OSMR: variants seen among roughly 807,000 people sequenced by gnomAD.
The protein encoded by OSMR is oncostatin-M-specific receptor subunit beta.
A neutral mutation model predicts 99.9 loss-of-function variants in OSMR; 81 were observed. That is an observed-to-expected ratio of 0.81 (90% confidence interval 0.68 to 0.97). The LOEUF (loss-of-function observed/expected upper bound fraction) is 0.97, where lower values mean the gene tolerates loss of function less well. OSMR is among the 50% of genes least tolerant of loss of function. OSMR has a pLI of 0.00. For missense variants in OSMR, 1,099 were observed against 1,153.4 expected, an observed-to-expected ratio of 0.95 and a Z score of 0.68; for synonymous variants, 406 against 410.4, an observed-to-expected ratio of 0.99 and a Z score of 0.13.
chr5:38,887,021 A>G (rs1185216247), intron 7 of OSMR, among the ~76,000 whole-genome samples: 1 of 152,202 alleles, frequency 6.6e-6, no homozygotes, highest in Non-Finnish European at 1.5e-5. Context: ...TGGCTATAAA[A>G]TGGTATTTCA....
chr5:38,850,717 A>C (rs1740288160), intron 1 of OSMR, among the ~76,000 whole-genome samples: 1 of 152,242 alleles, frequency 6.6e-6, no homozygotes, highest in African/African-American at 2.4e-5. Context: ...GTTCATGTGT[A>C]ATGCCAGCTT....
chr5:38,869,203 C>A, intron 2 of OSMR, 86 bp downstream of exon 2: 1 of 1,009,356 alleles, frequency 9.9e-7, no homozygotes, highest in Non-Finnish European at 1.6e-6. Flanking sequence ...TTAAACAGTT[C>A]TTTTTTCTTT....
chr5:38,942,741 T>C (rs2112783317), intron 1 of OSMR: 2 of 1,043,354 alleles, frequency 1.9e-6, no homozygotes, highest in Non-Finnish European at 2.9e-6. Flanking sequence ...TAGGCATGAG[T>C]CACCACACCC....
intron 1 of OSMR, chr5:38,941,582 T>C: frequency 4.3e-6 from 1 of 231,550 alleles, no homozygotes; most frequent in Non-Finnish European, 8.6e-6. Context: ...TTAAATTTTA[T>C]TCAAGAACTG....
At chr5:38,884,438 A>G (rs1423357659) in intron 5 of OSMR, among the ~76,000 whole-genome samples, 3 of 152,190 alleles carry the variant, frequency 2.0e-5, no homozygotes, top group South Asian at 2.1e-4. Flanking sequence ...GAGGGAGGGT[A>G]GGAGCTACAG....
chr5:38,899,949 T>G (rs1462654603), intron 7 of OSMR, among the ~76,000 whole-genome samples: 1 of 152,174 alleles, frequency 6.6e-6, no homozygotes, highest in Non-Finnish European at 1.5e-5. Flanking sequence ...CCCCAAAGTC[T>G]GCTTGCTCTA....
At chr5:38,885,872 A>G in intron 6 of OSMR, 167 bp from the exon 7 acceptor site, 2 of 985,218 alleles carry the variant, frequency 2.0e-6, no homozygotes, top group Middle Eastern at 5.2e-4. Flanking sequence ...AAATTTGTAG[A>G]AACAATATTT....
At chr5:38,943,158 G>GT (rs5867438) in intron 1 of OSMR, 205,216 of 381,430 alleles carry the variant, frequency 0.54, 51,939 homozygotes, top group East Asian at 0.58. Context: ...CTGAGTTTGG[G>GT]TTTTTTTTTA....
intron 11 of OSMR, 42 bp downstream of exon 11, chr5:38,919,104 A>G (rs1746097081): frequency 1.2e-6 from 2 of 1,606,888 alleles, no homozygotes; most frequent in African/African-American, 2.7e-5. Context: ...TTCTCTAGGA[A>G]AATGTTGATG....
chr5:38,852,881 C>T (rs529303691), intron 1 of OSMR, among the ~76,000 whole-genome samples: 1 of 151,876 alleles, frequency 6.6e-6, no homozygotes, highest in Non-Finnish European at 1.5e-5. Flanking sequence ...CAGGCGCCCA[C>T]CACCACGCCC....
intron 12 of OSMR, among the ~76,000 whole-genome samples, chr5:38,922,340 C>T (rs886938242): frequency 1.3e-5 from 2 of 152,150 alleles, no homozygotes; most frequent in African/African-American, 4.8e-5. Context: ...GGAAATGTCC[C>T]TGTTCAGAGG....
intron 1 of OSMR, among the ~76,000 whole-genome samples, chr5:38,849,456 A>AT (rs1740179260): frequency 7.2e-6 from 1 of 139,438 alleles, no homozygotes; most frequent in African/African-American, 2.6e-5. Flanking sequence ...TGTTTCATTG[A>AT]TCTTTTTTTT....
At chr5:38,856,952 T>C (rs1384591289) in intron 1 of OSMR, among the ~76,000 whole-genome samples, 1 of 152,224 alleles carries the variant, frequency 6.6e-6, no homozygotes, top group Non-Finnish European at 1.5e-5. Context: ...CAGACAAGAC[T>C]ATCTTGATGA....
chr5:38,885,238 C>A, intron 5 of OSMR, 111 bp from the exon 6 acceptor site: 1 of 1,560,222 alleles, frequency 6.4e-7, no homozygotes, highest in South Asian at 1.2e-5. Flanking sequence ...CTCAGTGACC[C>A]CTTCCTTGTT....
Position 38,919,357 on chromosome 5 carries a change from G to A in OSMR, c.1585+295G>A, listed in dbSNP as rs1054432996. ...CAAGTAACTGCAACCCTAACAAACA[G>A]TCACCACTGAGAGTTGGAGTTACTA... On this transcript the variant is annotated intron_variant, in intron 11 of 17. Coordinates refer to ENST00000274276, the MANE Select transcript of OSMR (RefSeq NM_003999.3). The A allele has an allele frequency of 1.0e-4, 140 of 1,363,140 alleles. 1 individual carries two copies. The highest frequency in any genetic ancestry group is 1.3e-4 in the Non-Finnish European group (138 of 1,037,490). The allele number at this position is 1,363,140 out of a possible 1,614,324, so 84.4% of individuals were successfully genotyped here.
At chr5:38,901,169 A>G (rs1246488164) in intron 7 of OSMR, among the ~76,000 whole-genome samples, 1 of 152,258 alleles carries the variant, frequency 6.6e-6, no homozygotes, top group Non-Finnish European at 1.5e-5. Flanking sequence ...CTCAGTCAAA[A>G]GTTGGCTATC....
chr5:38,871,392 C>G (rs1742380521), intron 2 of OSMR, among the ~76,000 whole-genome samples: 1 of 152,338 alleles, frequency 6.6e-6, no homozygotes, highest in East Asian at 1.9e-4. Flanking sequence ...AGCATGCCTT[C>G]TTTGGTAATT....
chr5:38,887,804 T>C (rs1743887067), intron 7 of OSMR, among the ~76,000 whole-genome samples: 1 of 152,218 alleles, frequency 6.6e-6, no homozygotes, highest in Admixed American at 6.5e-5. Flanking sequence ...TACTAAATCT[T>C]CCTGTGCGTG....
chr5:38,850,348 A>T (rs1381815226), intron 1 of OSMR, among the ~76,000 whole-genome samples: 1 of 152,214 alleles, frequency 6.6e-6, no homozygotes, highest in Non-Finnish European at 1.5e-5. Flanking sequence ...GATTTCTTTT[A>T]AAATTACATG....
Sources: gnomAD v4.1 joint callset for allele counts (sites outside exome capture counted in the v4.1 genomes callset) on GRCh38, gnomAD v4.1.1 for gene constraint, MANE v1.5 for transcripts, NCBI Gene and HGNC (gene_info 2026-07-23, HGNC 2026-07-21) for gene names.